TNIP3: variants seen among roughly 807,000 people sequenced by gnomAD.
TNIP3 encodes TNFAIP3-interacting protein 3.
Under a neutral mutation model 54.1 loss-of-function variants are expected in TNIP3, and 34 were observed. The ratio of observed to expected loss-of-function variants is 0.63; its 90% CI spans 0.48 to 0.84. The LOEUF (loss-of-function observed/expected upper bound fraction) is 0.84, where lower values mean the gene tolerates loss of function less well. TNIP3 is among the 40% of genes least tolerant of loss of function. TNIP3 has a pLI of 0.00. For synonymous variants in TNIP3, 134 were observed against 136.8 expected (o/e 0.98, Z 0.14); for missense variants, 366 against 387.6 (o/e 0.94, Z 0.47).
chr4:121,139,896 G>A (rs145364665), intron 9 of TNIP3, among the ~76,000 whole-genome samples: 1 of 152,302 alleles, frequency 6.6e-6, no homozygotes, highest in East Asian at 1.9e-4. Context: ...ATCCTGTAAT[G>A]TTACCAACAC....
chr4:121,132,142 A>G lies in TNIP3; in HGVS notation c.*489T>C, dbSNP rs1041990128. On this transcript the variant is annotated 3_prime_UTR_variant, in exon 11 of 11. Coordinates refer to ENST00000057513, the MANE Select transcript of TNIP3 (RefSeq NM_024873.6). Reference sequence around the variant, plus strand: ...CAATATGTAGTCAAATAGCTAAAGAACTAAGGCCCTGTGGAAGAAGAATGG... The same window carrying G: ...CAATATGTAGTCAAATAGCTAAAGAGCTAAGGCCCTGTGGAAGAAGAATGG... The G allele has an allele frequency of 6.4e-6, 1 of 156,552 alleles. No individual in the cohort carries two copies. The highest frequency in any genetic ancestry group is 1.4e-5 in the Non-Finnish European group (1 of 71,238). The allele number at this position is 156,552 out of a possible 1,614,324, so 9.7% of individuals were successfully genotyped here. A position where few individuals can be genotyped will look rare whatever the true frequency, so the allele number is the denominator to read the frequency against.
At chr4:121,213,378 T>C (rs943578184) in intron 2 of TNIP3, among the ~76,000 whole-genome samples, 8 of 152,182 alleles carry the variant, frequency 5.3e-5, no homozygotes, top group Admixed American at 1.3e-4. Flanking sequence ...TAGTCATTTT[T>C]CTTGCATGGT....
intron 2 of TNIP3, among the ~76,000 whole-genome samples, chr4:121,187,341 A>T (rs574729454): frequency 6.6e-4 from 100 of 152,318 alleles, no homozygotes; most frequent in Middle Eastern, 3.4e-3. Flanking sequence ...TATGGCTCCA[A>T]TGATCTCTGC....
In TNIP3 at chr4:121,132,694, T is replaced by A. The variant is rs977938295; in HGVS notation, c.947-32A>T. 6.9e-6 allele frequency: 11 copies of A among 1,584,266 alleles called. No homozygotes were observed. In the South Asian group the frequency reaches 8.9e-5, roughly 13 times the overall value. On this transcript the variant is annotated intron_variant, in intron 10 of 10. Coordinates refer to ENST00000057513, the MANE Select transcript of TNIP3 (RefSeq NM_024873.6). ...AAAACAGTAGGAAAATGTTTTAGATTAAAAATTAACATTTCATTTCTCTTC... is the reference window on the plus strand; with the variant it reads ...AAAACAGTAGGAAAATGTTTTAGATAAAAAATTAACATTTCATTTCTCTTC...
upstream of TNIP3, among the ~76,000 whole-genome samples, chr4:121,165,326 G>A (rs531654276): frequency 6.6e-6 from 1 of 151,988 alleles, no homozygotes; most frequent in South Asian, 2.1e-4. Flanking sequence ...AAATGAGTGA[G>A]ATGGTTCTAC....
upstream of TNIP3, among the ~76,000 whole-genome samples, chr4:121,219,200 C>G (rs1726931675): frequency 8.3e-6 from 1 of 119,796 alleles, no homozygotes; most frequent in Non-Finnish European, 1.6e-5. Flanking sequence ...AACTCCATTA[C>G]AAACAAACAA....
At chr4:121,216,544 C>T in intron 1 of TNIP3, 1 of 1,532,204 alleles carries the variant, frequency 6.5e-7, no homozygotes, top group Non-Finnish European at 8.7e-7. Context: ...AGATGTACGT[C>T]AAGGGAAGTT....
At chr4:121,135,613 G>A (rs1319909158) in intron 10 of TNIP3, among the ~76,000 whole-genome samples, 2 of 152,074 alleles carry the variant, frequency 1.3e-5, no homozygotes, top group Admixed American at 6.5e-5. Context: ...TGCCCAGGCT[G>A]GGCTTGAACT....
At chr4:121,216,684 G>A, upstream of TNIP3, 1 of 1,363,108 alleles carries the variant, frequency 7.3e-7, no homozygotes, top group Non-Finnish European at 9.6e-7. Flanking sequence ...CCTGCCTTCT[G>A]CCTAGTTTCA....
chr4:121,167,238 C>T (rs566029219), upstream of TNIP3, among the ~76,000 whole-genome samples: 11 of 152,040 alleles, frequency 7.2e-5, no homozygotes, highest in South Asian at 2.3e-3. Flanking sequence ...CACACACATA[C>T]ATATGTGTGT....
chr4:121,144,418 T>G (rs1729309866), intron 7 of TNIP3, among the ~76,000 whole-genome samples: 1 of 152,364 alleles, frequency 6.6e-6, no homozygotes, highest in East Asian at 1.9e-4. Context: ...TCTTTTCTTT[T>G]TGAGACAGAA....
chr4:121,167,956 G>A (rs897439720), upstream of TNIP3, among the ~76,000 whole-genome samples: 2 of 152,034 alleles, frequency 1.3e-5, no homozygotes, highest in South Asian at 4.2e-4. Flanking sequence ...GGATAGCTTA[G>A]TTTATGATTT....
intron 2 of TNIP3, among the ~76,000 whole-genome samples, chr4:121,209,648 C>A (rs952988053): frequency 1.3e-5 from 2 of 152,010 alleles, no homozygotes; most frequent in African/African-American, 4.8e-5. Flanking sequence ...AAAGTTATGG[C>A]AAATATCACA....
chr4:121,157,141 C>T lies in TNIP3; in HGVS notation c.316G>A (p.Asp106Asn), dbSNP rs772657515. 1.9e-6 allele frequency: 3 copies of T among 1,603,982 alleles called. No homozygotes were observed. The highest frequency in any genetic ancestry group is 1.7e-5 in the Admixed American group (1 of 58,914). The change falls in exon 4 of 11, where the codon GAC becomes AAC. Residue 106 changes from aspartate to asparagine, a missense_variant. Transcript: ENST00000057513. ...CGGGTCAGGTCGCGCTGCCTGTCGT[C>T]CTCTCTCTGCCTGTCGTCCTTTCTC... ...RQRKDDRQRE[D>N]DRQRDLTRDR...
chr4:121,154,392 C>A, intron 5 of TNIP3, 159 bp downstream of exon 5: 1 of 923,370 alleles, frequency 1.1e-6, no homozygotes, highest in South Asian at 1.5e-5. Flanking sequence ...TGACTGAAAG[C>A]TGCAGCTAGG....
intron 6 of TNIP3, among the ~76,000 whole-genome samples, chr4:121,149,079 C>T (rs979402433): frequency 3.9e-5 from 6 of 152,170 alleles, no homozygotes; most frequent in African/African-American, 1.4e-4. Context: ...TATGCATGGT[C>T]GGCCCCTCAG....
chr4:121,145,295 C>A (rs1358939359), intron 7 of TNIP3, among the ~76,000 whole-genome samples: 1 of 152,062 alleles, frequency 6.6e-6, no homozygotes, highest in Non-Finnish European at 1.5e-5. Flanking sequence ...GTAAATGAGA[C>A]TTTAAAAAAA....
chr4:121,180,785 C>T (rs547282132), intron 3 of TNIP3, among the ~76,000 whole-genome samples: 44 of 152,278 alleles, frequency 2.9e-4, no homozygotes, highest in Non-Finnish European at 5.6e-4. Flanking sequence ...CAACTCGGTC[C>T]TCACTACTAC....
rs367756968 is a variant in TNIP3, at chr4:121,191,653, C to T, written c.69-8857G>A. ...AGACAGGTACAGTTCCAAGTTGTGA[C>T]ATTCTCTAGGAATATGAGAAGACTA... is the stretch of plus-strand genomic sequence containing the variant. On this transcript the variant is annotated intron_variant, in intron 2 of 12. Transcript: ENST00000507879. Among the ~76,000 whole-genome samples, 3 of 152,298 alleles carry T rather than the reference C, an allele frequency of 2.0e-5. No homozygotes were observed. The South Asian group carries it at 6.2e-4, about 32-fold the overall frequency.
Sources: gnomAD v4.1 joint callset for allele counts (sites outside exome capture counted in the v4.1 genomes callset) on GRCh38, gnomAD v4.1.1 for gene constraint, MANE v1.5 for transcripts, NCBI Gene and HGNC (gene_info 2026-07-23, HGNC 2026-07-21) for gene names.